NRG3: variants seen among roughly 807,000 people sequenced by gnomAD.
NRG3 encodes pro-neuregulin-3, membrane-bound isoform.
NRG3 carries 31 observed loss-of-function variants against 66.9 expected under a neutral mutation model. The ratio of observed to expected loss-of-function variants is 0.46; its 90% confidence interval spans 0.35 to 0.63. The LOEUF (loss-of-function observed/expected upper bound fraction) is 0.63. NRG3 is among the 20% of genes least tolerant of loss of function. NRG3 has a pLI of 0.00. For missense variants in NRG3, 910 were observed against 878.9 expected (o/e 1.04, Z -0.45); for synonymous variants, 393 against 359.4 (o/e 1.09, Z -1.06).
intron 2 of NRG3, among the ~76,000 whole-genome samples, chr10:82,369,904 A>G (rs2084773319): frequency 7.2e-6 from 1 of 138,062 alleles, no homozygotes; most frequent in African/African-American, 3.4e-5. Flanking sequence ...GTTCCCTGAC[A>G]TATGACAGGG....
At chr10:82,417,763 G>A (rs972760410) in intron 2 of NRG3, among the ~76,000 whole-genome samples, 6 of 152,204 alleles carry the variant, frequency 3.9e-5, no homozygotes, top group African/African-American at 1.2e-4. Context: ...TATTATCACC[G>A]CGAAGCCCAG....
intron 1 of NRG3, among the ~76,000 whole-genome samples, chr10:81,909,387 C>T (rs1293125689): frequency 6.6e-6 from 1 of 152,070 alleles, no homozygotes; most frequent in African/African-American, 2.4e-5. Context: ...GGATGTTGTT[C>T]AACCCAGAAC....
At chr10:82,397,335 T>C (rs1409827953) in intron 2 of NRG3, among the ~76,000 whole-genome samples, 1 of 152,186 alleles carries the variant, frequency 6.6e-6, no homozygotes, top group Non-Finnish European at 1.5e-5. Flanking sequence ...CCAAATTATG[T>C]GGATAATCTT....
intron 6 of NRG3, among the ~76,000 whole-genome samples, chr10:82,971,611 A>G (rs923327350): frequency 2.0e-5 from 3 of 151,718 alleles, no homozygotes; most frequent in African/African-American, 7.3e-5. Flanking sequence ...TAATTTTTGT[A>G]CTTTTAGTAG....
At chr10:82,896,258 G>A (rs996592403) in intron 4 of NRG3, among the ~76,000 whole-genome samples, 39 of 152,182 alleles carry the variant, frequency 2.6e-4, no homozygotes, top group Non-Finnish European at 1.8e-4. Context: ...AGCACCTGAT[G>A]AGGTCCTACC....
Position 82,166,511 on chromosome 10 carries a change from C to A in NRG3, c.824-192228C>A, listed in dbSNP as rs190114813. 2.5e-3 allele frequency among the ~76,000 whole-genome samples: 379 copies of A among 151,974 alleles called. 1 individual carries two copies. The highest frequency in any genetic ancestry group is 8.5e-3 in the African/African-American group (352 of 41,476). Reference sequence around the variant, plus strand: ...CAATAAGTTTTTTCATTTTGCCTCTCCTGGTCTTTGTGGTATTGTTACATA... The same window carrying A: ...CAATAAGTTTTTTCATTTTGCCTCTACTGGTCTTTGTGGTATTGTTACATA... On this transcript the variant is annotated intron_variant, in intron 1 of 8. Coordinates refer to ENST00000372141, the MANE Select transcript of NRG3 (RefSeq NM_001010848.4).
chr10:82,255,205 A>G (rs2077659953), intron 1 of NRG3, among the ~76,000 whole-genome samples: 1 of 152,200 alleles, frequency 6.6e-6, no homozygotes, highest in African/African-American at 2.4e-5. Flanking sequence ...ACAAATTCGA[A>G]TCATGGGCCA....
At position 82,684,950 on chromosome 10, in the gene NRG3, A is replaced by G. The variant is rs116123958; in HGVS notation, c.954-53627A>G. On this transcript the variant is annotated intron_variant, in intron 2 of 8. Transcript: ENST00000372141. ...TTGATAAGGAATTAGACTTTAGGAT[A>G]TCTGGAGTATCTCTCAGCAGGGAAA... 7.0e-3 allele frequency among the ~76,000 whole-genome samples: 1,068 copies of G among 152,328 alleles called. 10 individuals carry two copies. The highest frequency in any genetic ancestry group is 0.025 in the African/African-American group (1,024 of 41,556).
intron 2 of NRG3, among the ~76,000 whole-genome samples, chr10:82,422,613 C>G (rs2089161295): frequency 6.6e-6 from 1 of 151,442 alleles, no homozygotes; most frequent in Non-Finnish European, 1.5e-5. Context: ...TGCCAAGCTT[C>G]TGGTAACATA....
intron 2 of NRG3, among the ~76,000 whole-genome samples, chr10:82,397,013 C>A (rs545506826): frequency 6.6e-6 from 1 of 152,170 alleles, no homozygotes; most frequent in Admixed American, 6.5e-5. Flanking sequence ...TTCTGTGAGT[C>A]TCCAATGTCA....
chr10:82,106,672 A>C (rs1245757594), intron 1 of NRG3, among the ~76,000 whole-genome samples: 1 of 151,806 alleles, frequency 6.6e-6, no homozygotes, highest in Non-Finnish European at 1.5e-5. Context: ...TGCCCAGCTA[A>C]TTTTTGTATT....
At chr10:82,703,848 T>G (rs1012243616) in intron 2 of NRG3, among the ~76,000 whole-genome samples, 5 of 152,116 alleles carry the variant, frequency 3.3e-5, no homozygotes, top group Non-Finnish European at 5.9e-5. Context: ...GATTTCTGTT[T>G]AGGCACCCAG....
chr10:82,064,473 A>G (rs1302081497), intron 1 of NRG3, among the ~76,000 whole-genome samples: 1 of 152,186 alleles, frequency 6.6e-6, no homozygotes, highest in Non-Finnish European at 1.5e-5. Flanking sequence ...TAAAGAAAGC[A>G]TGAAGCCTAG....
intron 1 of NRG3, among the ~76,000 whole-genome samples, chr10:82,039,641 G>A (rs966379413): frequency 5.3e-5 from 8 of 152,034 alleles, no homozygotes; most frequent in Admixed American, 1.3e-4. Flanking sequence ...AGCTTCACTG[G>A]GCTTTTCCAA....
rs1439021043 is a variant in NRG3, at chr10:82,545,258, A to G, written c.953+186390A>G. Among the ~76,000 whole-genome samples the G allele has an allele frequency of 4.6e-5, 7 of 152,164 alleles. 1 individual carries two copies. The highest frequency in any genetic ancestry group is 4.6e-4 in the Admixed American group (7 of 15,270). On this transcript the variant is annotated intron_variant, in intron 2 of 8. Coordinates refer to ENST00000372141, the MANE Select transcript of NRG3 (RefSeq NM_001010848.4). ...ACCTCTTTTAGTGTAATTATTTTAT[A>G]ATGTCTTATTTGAAACAATATATAC...
At chr10:82,323,546 A>G (rs1052562159) in intron 1 of NRG3, among the ~76,000 whole-genome samples, 1 of 140,194 alleles carries the variant, frequency 7.1e-6, no homozygotes, top group African/African-American at 2.7e-5. Flanking sequence ...TTTTGCATCT[A>G]TGTTTATGAA....
At chr10:82,826,075 C>G (rs2135616844) in intron 3 of NRG3, among the ~76,000 whole-genome samples, 1 of 152,218 alleles carries the variant, frequency 6.6e-6, no homozygotes, top group South Asian at 2.1e-4. Flanking sequence ...TAAGAGATTA[C>G]TGGAATTGAA....
At chr10:82,882,858 T>A (rs1842421265) in intron 4 of NRG3, among the ~76,000 whole-genome samples, 1 of 152,142 alleles carries the variant, frequency 6.6e-6, no homozygotes, top group South Asian at 2.1e-4. Context: ...TACCAACAAC[T>A]AGGACCCCAG....
chr10:81,913,758 C>T (rs1281137661), intron 1 of NRG3, among the ~76,000 whole-genome samples: 1 of 152,070 alleles, frequency 6.6e-6, no homozygotes, highest in African/African-American at 2.4e-5. Context: ...GGTGAATCCA[C>T]GTGGAATGTC....
Sources: allele counts gnomAD v4.1 joint callset (sites outside exome capture counted in the v4.1 genomes callset), GRCh38; gene constraint gnomAD v4.1.1; transcripts MANE v1.5; gene names NCBI Gene and HGNC (gene_info 2026-07-23, HGNC 2026-07-21).